Variants in WWOX observed in about 807,000 individuals in gnomAD.
WWOX encodes the protein WW domain-containing oxidoreductase.
In WWOX, 69 loss-of-function variants were observed where a neutral mutation model predicts 46.2. The ratio of observed to expected loss-of-function variants is 1.49; its 90% CI spans 1.23 to 1.82. WWOX has a LOEUF of 1.82. WWOX is among the 40% of genes most tolerant of loss of function. The pLI is 0.00. For synonymous variants in WWOX, 359 were observed against 202.6 expected, an observed-to-expected ratio of 1.77 and a Z score of -6.56; for missense variants, 919 against 542.6, an observed-to-expected ratio of 1.69 and a Z score of -6.89.
intron 8 of WWOX, among the ~76,000 whole-genome samples, chr16:78,909,063 T>G (rs1038269629): frequency 6.6e-6 from 1 of 152,226 alleles, no homozygotes; most frequent in African/African-American, 2.4e-5. Context: ...AACCGTAAAC[T>G]AAGTTCCTCT....
At chr16:78,817,932 A>G (rs113993250) in intron 8 of WWOX, among the ~76,000 whole-genome samples, 2,874 of 152,206 alleles carry the variant, frequency 0.019, 42 homozygotes, top group Non-Finnish European at 0.027. Context: ...CTCTGAGTGC[A>G]AGTTTGTTGT....
At chr16:78,595,869 G>A (rs1308868712) in intron 8 of WWOX, among the ~76,000 whole-genome samples, 2 of 152,136 alleles carry the variant, frequency 1.3e-5, no homozygotes, top group Non-Finnish European at 2.9e-5. Context: ...ACCTTTCTGT[G>A]CAACAGGGCA....
chr16:79,194,903 C>CA (rs1340296079), intron 8 of WWOX, among the ~76,000 whole-genome samples: 2 of 152,228 alleles, frequency 1.3e-5, no homozygotes, highest in East Asian at 3.9e-4. Flanking sequence ...CCATACTCCC[C>CA]AAACTAAAGG....
At chr16:79,164,823 T>G (rs185508235) in intron 8 of WWOX, among the ~76,000 whole-genome samples, 117 of 152,272 alleles carry the variant, frequency 7.7e-4, no homozygotes, top group East Asian at 6.4e-3. Flanking sequence ...CTTTGTCATT[T>G]ATGTAGCACC....
chr16:78,973,162 C>T (rs540048396), intron 8 of WWOX, among the ~76,000 whole-genome samples: 2 of 152,250 alleles, frequency 1.3e-5, no homozygotes, highest in African/African-American at 2.4e-5. Flanking sequence ...CTGCCACGTC[C>T]GCCTTTATGA....
At chr16:78,481,566 G>C (rs1193687331) in intron 8 of WWOX, among the ~76,000 whole-genome samples, 1 of 151,620 alleles carries the variant, frequency 6.6e-6, no homozygotes, top group Non-Finnish European at 1.5e-5. Flanking sequence ...AATTTAAAGG[G>C]ATTTAAAATA....
At chr16:78,821,695 A>C (rs2051499067) in intron 8 of WWOX, among the ~76,000 whole-genome samples, 1 of 152,146 alleles carries the variant, frequency 6.6e-6, no homozygotes, top group Non-Finnish European at 1.5e-5. Flanking sequence ...AGGCTCAGGG[A>C]ACTCAGTTGG....
At chr16:78,256,191 T>A (rs1383070661) in intron 5 of WWOX, among the ~76,000 whole-genome samples, 2 of 145,476 alleles carry the variant, frequency 1.4e-5, no homozygotes, top group Non-Finnish European at 3.0e-5. Flanking sequence ...CATTCAAGGC[T>A]ACACATTTAC....
intron 8 of WWOX, among the ~76,000 whole-genome samples, chr16:78,530,534 C>G (rs1222357130): frequency 2.0e-5 from 3 of 152,200 alleles, no homozygotes; most frequent in Non-Finnish European, 4.4e-5. Context: ...TGCTTCTCCT[C>G]TTTTCTTCAA....
chr16:78,448,745 T>C (rs956266245), intron 8 of WWOX, among the ~76,000 whole-genome samples: 10 of 152,198 alleles, frequency 6.6e-5, no homozygotes, highest in African/African-American at 2.4e-4. Context: ...GGAATAATCA[T>C]GTCTTCTCTT....
intron 8 of WWOX, among the ~76,000 whole-genome samples, chr16:78,443,182 A>G (rs1199806880): frequency 2.8e-5 from 4 of 144,174 alleles, no homozygotes; most frequent in Admixed American, 7.0e-5. Flanking sequence ...ACTCGTGTCT[A>G]TTGTCCCAGC....
At chr16:78,387,304 G>A (rs955961096) in intron 6 of WWOX, among the ~76,000 whole-genome samples, 1 of 152,132 alleles carries the variant, frequency 6.6e-6, no homozygotes, top group Non-Finnish European at 1.5e-5. Flanking sequence ...TTGCATTCAG[G>A]AACAAGTAAA....
intron 8 of WWOX, among the ~76,000 whole-genome samples, chr16:79,043,817 C>G (rs992869545): frequency 2.0e-5 from 3 of 152,168 alleles, no homozygotes; most frequent in African/African-American, 7.2e-5. Flanking sequence ...TAGCTTTATT[C>G]TAAGACAGGC....
chr16:79,043,650 A>G (rs1438827326), intron 8 of WWOX, among the ~76,000 whole-genome samples: 1 of 152,238 alleles, frequency 6.6e-6, no homozygotes, highest in Non-Finnish European at 1.5e-5. Context: ...GTAATTTGAG[A>G]CATGATGATT....
chr16:79,031,362 C>G (rs1020273087), intron 8 of WWOX, among the ~76,000 whole-genome samples: 4 of 152,114 alleles, frequency 2.6e-5, no homozygotes, highest in African/African-American at 9.7e-5. Flanking sequence ...GTCTACACAG[C>G]TCCTGCCTCC....
intron 8 of WWOX, among the ~76,000 whole-genome samples, chr16:78,773,086 G>T (rs1334533250): frequency 6.6e-6 from 1 of 152,168 alleles, no homozygotes; most frequent in South Asian, 2.1e-4. Flanking sequence ...AAGAAATTAG[G>T]TAACTTGCTC....
chr16:78,974,006 C>G (rs78831258), intron 8 of WWOX, among the ~76,000 whole-genome samples: 2,837 of 152,276 alleles, frequency 0.019, 94 homozygotes, highest in African/African-American at 0.065. Flanking sequence ...TTCCCTAGCA[C>G]AAAACTCATG....
intron 5 of WWOX, among the ~76,000 whole-genome samples, chr16:78,383,462 G>A (rs972729310): frequency 4.4e-4 from 67 of 152,150 alleles, no homozygotes; most frequent in African/African-American, 1.5e-3. Context: ...CAGATTCACT[G>A]CCAGACCTGG....
In WWOX at chr16:78,590,146, G is replaced by GTGTCTCTCTCTC. The variant is rs1555569766; in HGVS notation, c.1056+157395_1056+157396insGTCTCTCTCTCT. On this transcript the variant is annotated intron_variant, in intron 8 of 8. Coordinates refer to ENST00000566780, the MANE Select transcript of WWOX (RefSeq NM_016373.4). ...ATGTCTGATAGATATTAGGCATTCA[G>GTGTCTCTCTCTC]TCTCTCTCTCTCTCTCTGTTTATTA... 8.9e-3 allele frequency among the ~76,000 whole-genome samples: 1,333 copies of GTGTCTCTCTCTC among 149,724 alleles called. 10 individuals carry two copies. Among genetic ancestry groups the GTGTCTCTCTCTC allele is most frequent in the Non-Finnish European group, 0.015 (1,012 of 67,464 alleles).
Sources: allele counts gnomAD v4.1 joint callset (sites outside exome capture counted in the v4.1 genomes callset), GRCh38; gene constraint gnomAD v4.1.1; transcripts MANE v1.5; gene names NCBI Gene and HGNC (gene_info 2026-07-23, HGNC 2026-07-21).